CRISPLD2: variants seen among roughly 807,000 people sequenced by gnomAD.
CRISPLD2 encodes the protein cysteine rich secretory protein LCCL domain containing 2.
In CRISPLD2, 47 loss-of-function variants were observed where a neutral mutation model predicts 71.1. The ratio of observed to expected loss-of-function variants is 0.66; its 90% CI spans 0.52 to 0.84. The LOEUF is 0.84. CRISPLD2 is among the 40% of genes least tolerant of loss of function. The probability of loss-of-function intolerance (pLI) is 0.00; values close to 1 mark genes in which losing one functional copy is unlikely to be tolerated. For synonymous variants in CRISPLD2, 317 were observed against 250.1 expected (o/e 1.27, Z -2.52); for missense variants, 830 against 651.1 (o/e 1.27, Z -2.99).
intron 1 of CRISPLD2, chr16:84,836,115 G>A (rs1916611303): frequency 6.6e-6 from 1 of 152,206 alleles, no homozygotes; most frequent in Non-Finnish European, 1.5e-5. Flanking sequence ...CATGTTGGAT[G>A]AAATTACCTT....
chr16:84,857,790 G>A (rs1917281484), intron 6 of CRISPLD2, among the ~76,000 whole-genome samples: 1 of 152,172 alleles, frequency 6.6e-6, no homozygotes, highest in Non-Finnish European at 1.5e-5. Context: ...AAGAAGGCAG[G>A]GTGGCAGCAG....
intron 6 of CRISPLD2, among the ~76,000 whole-genome samples, chr16:84,860,927 T>G (rs1045583448): frequency 6.6e-6 from 1 of 152,178 alleles, no homozygotes; most frequent in Non-Finnish European, 1.5e-5. Flanking sequence ...AAGCCGGAAG[T>G]TAGAATCCCT....
chr16:84,881,647 T>C (rs1248292514), intron 13 of CRISPLD2, among the ~76,000 whole-genome samples: 1 of 152,330 alleles, frequency 6.6e-6, no homozygotes, highest in East Asian at 1.9e-4. Context: ...TTTATTTTTT[T>C]ATTTTCTGAA....
intron 1 of CRISPLD2, among the ~76,000 whole-genome samples, chr16:84,825,167 G>C (rs1017286873): frequency 6.6e-6 from 1 of 152,104 alleles, no homozygotes; most frequent in Admixed American, 6.5e-5. Flanking sequence ...CAAAACTTGG[G>C]AAGGGGGATA....
intron 11 of CRISPLD2, 51 bp from the exon 12 acceptor site, chr16:84,877,387 A>G (rs2143304321): frequency 6.5e-7 from 1 of 1,540,186 alleles, no homozygotes; most frequent in South Asian, 1.1e-5. Context: ...TGGTAGCCTG[A>G]GGCCCAGGCG....
intron 5 of CRISPLD2, among the ~76,000 whole-genome samples, chr16:84,851,240 C>G (rs1000344423): frequency 1.3e-5 from 2 of 152,222 alleles, no homozygotes; most frequent in Non-Finnish European, 2.9e-5. Context: ...CTCTGTTTCC[C>G]TCCAAAGAGG....
intron 12 of CRISPLD2, among the ~76,000 whole-genome samples, chr16:84,878,375 C>T (rs559557729): frequency 2.1e-5 from 3 of 139,672 alleles, no homozygotes; most frequent in East Asian, 1.9e-4. Context: ...ACCCCTGCAC[C>T]AGGGAGCTTC....
chr16:84,831,057 C>T (rs551661954), intron 1 of CRISPLD2, among the ~76,000 whole-genome samples: 3 of 152,116 alleles, frequency 2.0e-5, no homozygotes, highest in South Asian at 2.1e-4. Context: ...TTGAGAAGCT[C>T]GGGGTCCAGG....
intron 13 of CRISPLD2, 124 bp downstream of exon 13, chr16:84,880,708 T>C: frequency 1.7e-6 from 1 of 593,332 alleles, no homozygotes; most frequent in African/African-American, 1.9e-5. Flanking sequence ...AATTAATTAA[T>C]TAATTAATTA....
At position 84,826,435 on chromosome 16, in the gene CRISPLD2, C is replaced by T. The variant is rs559036384; in HGVS notation, c.-75+6302C>T. 1.1e-3 allele frequency among the ~76,000 whole-genome samples: 162 copies of T among 152,332 alleles called. 1 individual carries two copies. Among genetic ancestry groups the T allele is most frequent in the Non-Finnish European group, 6.3e-4 (43 of 68,032 alleles). On this transcript the variant is annotated intron_variant, in intron 1 of 14. Coordinates refer to ENST00000262424, the MANE Select transcript of CRISPLD2 (RefSeq NM_031476.4). Reference sequence around the variant, plus strand: ...CCTCCTTCAGAGCACGTTTCATGCCCCTATGTGCCTGGGAAGAGCCAGCTA... The same window carrying T: ...CCTCCTTCAGAGCACGTTTCATGCCTCTATGTGCCTGGGAAGAGCCAGCTA...
intron 5 of CRISPLD2, 67 bp from the exon 6 acceptor site, chr16:84,854,662 A>G: frequency 8.5e-7 from 1 of 1,171,614 alleles, no homozygotes; most frequent in Non-Finnish European, 1.3e-6. Context: ...TGGGCCTTGG[A>G]AGAGGATCAG....
intron 5 of CRISPLD2, among the ~76,000 whole-genome samples, chr16:84,852,174 G>C (rs576052425): frequency 8.9e-4 from 135 of 152,318 alleles, no homozygotes; most frequent in Non-Finnish European, 1.2e-3. Flanking sequence ...TGTTGACGTC[G>C]TTTAACCTTA....
intron 5 of CRISPLD2, among the ~76,000 whole-genome samples, chr16:84,851,286 C>T (rs563738303): frequency 9.9e-4 from 151 of 152,356 alleles, no homozygotes; most frequent in African/African-American, 3.4e-3. Flanking sequence ...GTGCCTCCTC[C>T]GCCTATAGCA....
intron 12 of CRISPLD2, among the ~76,000 whole-genome samples, chr16:84,877,831 C>T (rs183682731): frequency 5.3e-5 from 8 of 151,954 alleles, no homozygotes; most frequent in African/African-American, 1.9e-4. Flanking sequence ...GCCTGGGTGA[C>T]GAGTGAAACT....
At chr16:84,838,837 T>G (rs1311080702) in intron 2 of CRISPLD2, 102 bp downstream of exon 2, 3 of 1,423,928 alleles carry the variant, frequency 2.1e-6, no homozygotes, top group Non-Finnish European at 2.9e-6. Flanking sequence ...CCAGTGCGTG[T>G]GATGGCTGGC....
chr16:84,862,058 A>G (rs1441725547), intron 6 of CRISPLD2, among the ~76,000 whole-genome samples: 1 of 152,080 alleles, frequency 6.6e-6, no homozygotes, highest in Non-Finnish European at 1.5e-5. Flanking sequence ...GGGCTGTTTG[A>G]CCCTTTACTC....
chr16:84,890,038 G>A (rs985356727), intron 14 of CRISPLD2, among the ~76,000 whole-genome samples: 11 of 152,214 alleles, frequency 7.2e-5, no homozygotes, highest in African/African-American at 4.8e-5. Context: ...GGAGGTGAAC[G>A]GAAATGGTGC....
intron 11 of CRISPLD2, among the ~76,000 whole-genome samples, chr16:84,875,785 T>TGA (rs573224300): frequency 6.5e-4 from 98 of 151,318 alleles, no homozygotes; most frequent in Non-Finnish European, 1.2e-3. Context: ...AGGCTGGTCT[T>TGA]GAACTCCTGA....
intron 3 of CRISPLD2, among the ~76,000 whole-genome samples, chr16:84,846,864 C>T (rs565837061): frequency 2.0e-5 from 3 of 152,342 alleles, no homozygotes; most frequent in African/African-American, 4.8e-5. Flanking sequence ...CTGTTAAATG[C>T]AGCCGACGGG....
Sources: gnomAD v4.1 joint callset for allele counts (sites outside exome capture counted in the v4.1 genomes callset) on GRCh38, gnomAD v4.1.1 for gene constraint, MANE v1.5 for transcripts, NCBI Gene and HGNC (gene_info 2026-07-23, HGNC 2026-07-21) for gene names.